Variants in SRGAP2 observed in about 807,000 individuals in gnomAD.
The protein encoded by SRGAP2 is SLIT-ROBO Rho GTPase activating protein 2.
A neutral mutation model predicts 57.2 loss-of-function variants in SRGAP2; 15 were observed. That is an observed-to-expected ratio of 0.26 (90% CI 0.18 to 0.40). The LOEUF (loss-of-function observed/expected upper bound fraction) is 0.40. SRGAP2 is among the 10% of genes least tolerant of loss of function. The pLI is 1.00. For synonymous variants in SRGAP2, 249 were observed against 248.0 expected (o/e 1.00, Z -0.04); for missense variants, 520 against 669.6 (o/e 0.78, Z 2.47).
chr1:206,427,637 A>AG (rs782022869), intron 13 of SRGAP2, among the ~76,000 whole-genome samples: 3 of 151,666 alleles, frequency 2.0e-5, no homozygotes, highest in African/African-American at 4.8e-5. Flanking sequence ...ATTCAGAGCC[A>AG]GGGGGGGGAT....
intron 3 of SRGAP2, chr1:206,333,239 C>T (rs1436928332): frequency 1.2e-5 from 9 of 779,140 alleles, no homozygotes; most frequent in African/African-American, 3.5e-5. Flanking sequence ...AGAAATCACC[C>T]GTCTTCTGCG....
At chr1:206,335,410 G>C (rs1558319628) in intron 3 of SRGAP2, among the ~76,000 whole-genome samples, 1 of 151,998 alleles carries the variant, frequency 6.6e-6, no homozygotes, top group African/African-American at 2.4e-5. Flanking sequence ...TTCTAAGTCA[G>C]CCAAATCAGG....
intron 3 of SRGAP2, among the ~76,000 whole-genome samples, chr1:206,321,096 T>A (rs1160026799): frequency 6.9e-6 from 1 of 144,908 alleles, no homozygotes; most frequent in Non-Finnish European, 1.5e-5. Flanking sequence ...TTCAATTGTC[T>A]TATCTCTTTA....
chr1:206,253,620 G>A (rs1458549926), intron 2 of SRGAP2, among the ~76,000 whole-genome samples: 10 of 120,298 alleles, frequency 8.3e-5, no homozygotes, highest in Non-Finnish European at 1.5e-4. Flanking sequence ...CCGTCCCCCA[G>A]GCTGGAGTGC....
chr1:206,346,608 A>G (rs1197212670), intron 4 of SRGAP2, among the ~76,000 whole-genome samples: 4 of 152,082 alleles, frequency 2.6e-5, no homozygotes, highest in Admixed American at 1.3e-4. Context: ...TTACCAGTAA[A>G]TTTGGTTCCA....
rs1660443280 is a variant in SRGAP2 at position 206,422,945 on chromosome 1, G to A, written c.1494+1671G>A. On this transcript the variant is annotated intron_variant, in intron 13 of 22. Coordinates refer to ENST00000573034, the MANE Select transcript of SRGAP2 (RefSeq NM_015326.5). ...GTGGATCAGCAAGAAGTTTTCCTAA[G>A]ATGGTCAGGAAGATAAAATAGATAG... Among the ~76,000 whole-genome samples, 5 of 152,226 alleles carry A rather than the reference G, an allele frequency of 3.3e-5. No individual in the cohort carries two copies. In the South Asian group the frequency reaches 8.3e-4, roughly 25 times the overall value.
At position 206,464,292 on chromosome 1, in the gene SRGAP2, A is replaced by G. The variant is rs1196860193; in HGVS notation, c.*2872A>G. ...ATGTCACATTTGTGTAAAATGGTAT[A>G]TTCTTTAAAATAGTGTTGATAACTG... is the stretch of plus-strand genomic sequence containing the variant. On this transcript the variant is annotated 3_prime_UTR_variant, in exon 23 of 23. Coordinates refer to ENST00000573034, the MANE Select transcript of SRGAP2 (RefSeq NM_015326.5). The G allele has an allele frequency of 2.0e-5, 3 of 152,654 alleles. No homozygotes were observed. The highest frequency in any genetic ancestry group is 2.9e-5 in the Non-Finnish European group (2 of 68,050). The allele number at this position is 152,654 out of a possible 1,614,324, so 9.5% of individuals were successfully genotyped here.
In SRGAP2 at chr1:206,461,248, C is replaced by T. The variant is rs781843395; in HGVS notation, c.3044C>T (p.Ala1015Val). 2 of 780,882 alleles carry T rather than the reference C, an allele frequency of 2.6e-6. No individual in the cohort carries two copies. Among genetic ancestry groups the T allele is most frequent in the Non-Finnish European group, 4.8e-6 (2 of 417,960 alleles). The allele number at this position is 780,882 out of a possible 1,614,324, so 48.4% of individuals were successfully genotyped here. Residue 1015 changes from alanine to valine, a missense_variant, in exon 23 of 23, where the codon GCT (alanine) becomes GTT (valine). Coordinates refer to ENST00000573034, the MANE Select transcript of SRGAP2 (RefSeq NM_015326.5). ...GCCTTCCAGCGCAGCGCCAGTACTG[C>T]TGGGGACATCGCCTGCGCCTTCCGG... ...EPAFQRSASTAGDIACAFRPV... is the reference protein window; with the variant it reads ...EPAFQRSASTVGDIACAFRPV...
intron 10 of SRGAP2, among the ~76,000 whole-genome samples, chr1:206,413,840 G>T (rs1553360396): frequency 2.0e-5 from 3 of 152,154 alleles, no homozygotes; most frequent in Admixed American, 6.5e-5. Flanking sequence ...ATGGAGATTT[G>T]CATGGTACAC....
chr1:206,459,975 G>A (rs1412877003), intron 22 of SRGAP2, among the ~76,000 whole-genome samples: 4 of 152,196 alleles, frequency 2.6e-5, no homozygotes, highest in Non-Finnish European at 5.9e-5. Flanking sequence ...GTCAGGAAAG[G>A]TAGACAGCTG....
chr1:206,425,913 C>T (rs111528448), intron 13 of SRGAP2, among the ~76,000 whole-genome samples: 4,885 of 149,484 alleles, frequency 0.033, 121 homozygotes, highest in Non-Finnish European at 0.05. Flanking sequence ...ATGGTGCAAT[C>T]TTGCCTCACT....
intron 2 of SRGAP2, chr1:206,207,571 A>T (rs1228483019): frequency 8.7e-5 from 13 of 149,966 alleles, no homozygotes; most frequent in African/African-American, 3.2e-4. Flanking sequence ...TCCTGTCCAG[A>T]TGCATTGCAT....
chr1:206,447,788 G>A lies in SRGAP2; in HGVS notation c.2099+1489G>A, dbSNP rs565597861. 1.7e-4 allele frequency among the ~76,000 whole-genome samples: 26 copies of A among 152,260 alleles called. 1 individual carries two copies. The highest frequency in any genetic ancestry group is 6.0e-4 in the African/African-American group (25 of 41,548). ...CACTGCAGGCTCTGGTCCAGTGCCC[G>A]GGGCACAGAGACCCCTACAGCCCTG... On this transcript the variant is annotated intron_variant, in intron 18 of 22. Coordinates refer to ENST00000573034, the MANE Select transcript of SRGAP2 (RefSeq NM_015326.5).
At chr1:206,240,187 A>G (rs577262172) in intron 2 of SRGAP2, among the ~76,000 whole-genome samples, 1 of 149,068 alleles carries the variant, frequency 6.7e-6, no homozygotes, top group East Asian at 2.0e-4. Flanking sequence ...AGCTGCTTGA[A>G]CCCGGGAGGC....
chr1:206,458,067 G>A (rs1051658703), intron 21 of SRGAP2, among the ~76,000 whole-genome samples: 3 of 152,172 alleles, frequency 2.0e-5, no homozygotes, highest in African/African-American at 7.2e-5. Flanking sequence ...CGCACAAACT[G>A]GGCCCCAACT....
intron 11 of SRGAP2, among the ~76,000 whole-genome samples, chr1:206,416,552 C>T (rs1464134114): frequency 1.3e-5 from 2 of 152,202 alleles, no homozygotes; most frequent in Non-Finnish European, 2.9e-5. Context: ...ACTGTCTTGT[C>T]TCATAGAATG....
chr1:206,206,063 T>C, intron 2 of SRGAP2, 26 bp downstream of exon 2: 1 of 1,548,136 alleles, frequency 6.5e-7, no homozygotes, highest in Non-Finnish European at 8.7e-7. Context: ...AATAGCACAC[T>C]GCAAATGCTC....
At chr1:206,237,431 A>T (rs1308650962) in intron 2 of SRGAP2, among the ~76,000 whole-genome samples, 1 of 152,202 alleles carries the variant, frequency 6.6e-6, no homozygotes, top group Non-Finnish European at 1.5e-5. Context: ...TTGATCTGTG[A>T]TTTCCAGTTT....
intron 4 of SRGAP2, among the ~76,000 whole-genome samples, chr1:206,373,027 TTTCTTTCTC>T: frequency 7.6e-6 from 1 of 132,252 alleles, no homozygotes; most frequent in Non-Finnish European, 1.6e-5. Flanking sequence ...CTTTCTTTCT[TTTCTTTCTC>T]TCTCTCTCTC....
Sources: gnomAD v4.1 joint callset for allele counts (sites outside exome capture counted in the v4.1 genomes callset) on GRCh38, gnomAD v4.1.1 for gene constraint, MANE v1.5 for transcripts, NCBI Gene and HGNC (gene_info 2026-07-23, HGNC 2026-07-21) for gene names.